The following AGPAT3 variants were observed in gnomAD, a reference collection of about 807,000 sequenced individuals.
AGPAT3 encodes 1-acylglycerol-3-phosphate O-acyltransferase 3, also known as 1-acyl-sn-glycerol-3-phosphate acyltransferase gamma.
AGPAT3 carries 5 observed loss-of-function variants against 47.3 expected under a neutral mutation model. The ratio of observed to expected loss-of-function variants is 0.11; its 90% CI spans 0.06 to 0.22. AGPAT3 has a LOEUF of 0.22. Among genes scored for constraint, AGPAT3 ranks in the 10% least tolerant of loss-of-function variants. The pLI is 1.00. For missense variants in AGPAT3, 315 were observed against 493.0 expected, an observed-to-expected ratio of 0.64 and a Z score of 3.42; for synonymous variants, 212 against 208.3, an observed-to-expected ratio of 1.02 and a Z score of -0.15.
At position 43,970,920 on chromosome 21, in the gene AGPAT3, G is replaced by A; in HGVS notation, c.664+114G>A. On this transcript the variant is annotated intron_variant, in intron 6 of 9. Transcript: ENST00000291572. The surrounding 1 kb of genome is among the most constrained non-coding windows in gnomAD (Gnocchi z 5.8). ...ATGTGAAACACAGAAGAACAGAAGTGCAAAAGGAATCAAGTGAGGGGGTCG... is the reference window on the plus strand; with the variant it reads ...ATGTGAAACACAGAAGAACAGAAGTACAAAAGGAATCAAGTGAGGGGGTCG... 1 of 1,262,896 alleles carries A rather than the reference G, an allele frequency of 7.9e-7. No homozygotes were observed. The allele number at this position is 1,262,896 out of a possible 1,614,324, so 78.2% of individuals were successfully genotyped here.
rs1474807400 is a variant in AGPAT3 at position 43,920,767 on chromosome 21, T to C, written c.-49+16748T>C. On this transcript the variant is annotated intron_variant, in intron 2 of 9. Transcript: ENST00000291572. The surrounding 1 kb of genome is among the most constrained non-coding windows in gnomAD (Gnocchi z 6.1). ...TGGGGAGGGTACAGCAGCTCCGAGC[T>C]CCCTGCCCCATACCTCACCCTGTGC... 6.6e-6 allele frequency among the ~76,000 whole-genome samples: 1 copy of C among 152,052 alleles called. No homozygotes were observed. The highest frequency in any genetic ancestry group is 1.5e-5 in the Non-Finnish European group (1 of 68,022).
rs1054076099 is a variant in AGPAT3 at position 43,932,944 on chromosome 21, T to G, written c.-48-26690T>G. Among the ~76,000 whole-genome samples the G allele has an allele frequency of 2.0e-5, 3 of 152,170 alleles. No homozygotes were observed. The highest frequency in any genetic ancestry group is 3.9e-4 in the East Asian group (2 of 5,186). ...GGATTACAGGTGTGAGCCACCGCCC[T>G]GGGCCAGTAGTTCCATTTTTGACTT... is the stretch of plus-strand genomic sequence containing the variant. On this transcript the variant is annotated intron_variant, in intron 2 of 9. Transcript: ENST00000291572. The surrounding 1 kb of genome is among the most constrained non-coding windows in gnomAD (Gnocchi z 5.2).
rs1049681335 is a variant in AGPAT3 at position 43,933,838 on chromosome 21, C to T, written c.-48-25796C>T. Among the ~76,000 whole-genome samples the T allele has an allele frequency of 4.6e-5, 7 of 152,130 alleles. No individual in the cohort carries two copies. The highest frequency in any genetic ancestry group is 2.1e-4 in the South Asian group (1 of 4,824). On this transcript the variant is annotated intron_variant, in intron 2 of 9. Transcript: ENST00000291572. The surrounding 1 kb of genome is among the most constrained non-coding windows in gnomAD (Gnocchi z 6.0). Reference sequence around the variant, plus strand: ...GAGGACGGCACTCCCGCGCCTGCCACGAGCCTCACGTGGAGAGTGGACAGT... The same window carrying T: ...GAGGACGGCACTCCCGCGCCTGCCATGAGCCTCACGTGGAGAGTGGACAGT...
At chr21:43,945,070 T>G (rs997672946) in intron 2 of AGPAT3, among the ~76,000 whole-genome samples, 2 of 152,248 alleles carry the variant, frequency 1.3e-5, no homozygotes, top group African/African-American at 4.8e-5. Context: ...TGGAGGCATC[T>G]GCTGGGCTAG....
At chr21:43,931,581 C>T (rs769925868) in intron 2 of AGPAT3, among the ~76,000 whole-genome samples, 1 of 152,114 alleles carries the variant, frequency 6.6e-6, no homozygotes, top group African/African-American at 2.4e-5. Flanking sequence ...GAGGTAAAAA[C>T]CGAAGAGCGA....
chr21:43,928,557 T>C (rs1243627615), intron 2 of AGPAT3, among the ~76,000 whole-genome samples: 2 of 152,266 alleles, frequency 1.3e-5, no homozygotes, highest in African/African-American at 4.8e-5. Flanking sequence ...TGCAGTTCAC[T>C]GCTCTGTCTG....
rs1311538128 is a variant in AGPAT3, at chr21:43,930,549, G to T, written c.-49+26530G>T. ...GGGCCTCTCTCAGACCTTGGGGACA[G>T]CAAGCTCTGCCCCGTGAACTCAGAG... is the stretch of plus-strand genomic sequence containing the variant. On this transcript the variant is annotated intron_variant, in intron 2 of 9. Coordinates refer to ENST00000291572, the MANE Select transcript of AGPAT3 (RefSeq NM_020132.5). This position sits in a 1 kb window ranked among gnomAD's most constrained non-coding sequence, Gnocchi z 5.0. Among the ~76,000 whole-genome samples, 1 of 148,080 alleles carries T rather than the reference G, an allele frequency of 6.8e-6. No homozygotes were observed. Among genetic ancestry groups the T allele is most frequent in the East Asian group, 2.1e-4 (1 of 4,766 alleles).
chr21:43,884,244 GCTTCCCCCTC>G (rs1196132988), intron 1 of AGPAT3, among the ~76,000 whole-genome samples: 54 of 98,832 alleles, frequency 5.5e-4, no homozygotes, highest in South Asian at 1.0e-3. Context: ...TTCCCCACCC[GCTTCCCCCTC>G]CTTCCCCCTC....
intron 3 of AGPAT3, among the ~76,000 whole-genome samples, chr21:43,961,619 C>T (rs1287887203): frequency 2.0e-5 from 3 of 151,194 alleles, no homozygotes; most frequent in African/African-American, 4.9e-5. Context: ...CACTTTGTCT[C>T]ATATGGGAAA....
intron 2 of AGPAT3, among the ~76,000 whole-genome samples, chr21:43,907,648 C>T (rs1326587165): frequency 6.6e-6 from 1 of 152,104 alleles, no homozygotes; most frequent in Non-Finnish European, 1.5e-5. Flanking sequence ...ACCCGGGAGG[C>T]GGAGCTTGTG....
intron 2 of AGPAT3, among the ~76,000 whole-genome samples, chr21:43,958,858 C>T (rs1359281720): frequency 5.6e-4 from 38 of 67,428 alleles, no homozygotes; most frequent in Middle Eastern, 0.015. Flanking sequence ...GTGTGGTTTG[C>T]GGTGTGTGTG....
At chr21:43,918,319 A>C (rs2086804115) in intron 2 of AGPAT3, among the ~76,000 whole-genome samples, 1 of 150,594 alleles carries the variant, frequency 6.6e-6, no homozygotes, top group African/African-American at 2.4e-5. Flanking sequence ...TGTTGTCTCT[A>C]GAGGTAGCCA....
intron 7 of AGPAT3, 100 bp downstream of exon 7, chr21:43,971,590 C>T: frequency 1.9e-6 from 2 of 1,073,884 alleles, no homozygotes; most frequent in Non-Finnish European, 2.8e-6. Context: ...CCCCACGTCC[C>T]ACAGCCCCGC....
intron 2 of AGPAT3, 139 bp downstream of exon 2, chr21:43,904,158 T>G (rs975480546): frequency 6.5e-6 from 1 of 152,868 alleles, no homozygotes; most frequent in African/African-American, 2.4e-5. Flanking sequence ...GATTAATTTT[T>G]CTTAAAGGTA....
intron 2 of AGPAT3, among the ~76,000 whole-genome samples, chr21:43,935,268 G>T (rs141964286): frequency 1.2e-4 from 18 of 152,392 alleles, no homozygotes; most frequent in Non-Finnish European, 2.5e-4. Context: ...CAGGAGGCAG[G>T]CTCAGGACAC....
intron 2 of AGPAT3, chr21:43,919,827 C>T (rs750538878): frequency 2.0e-5 from 3 of 152,244 alleles, no homozygotes; most frequent in African/African-American, 7.2e-5. Context: ...ATTTGCATGT[C>T]GTCCTTCTGC....
intron 8 of AGPAT3, 27 bp downstream of exon 8, chr21:43,978,148 G>T (rs1246591041): frequency 6.2e-7 from 1 of 1,604,762 alleles, no homozygotes; most frequent in Non-Finnish European, 8.5e-7. Context: ...CCCGCTCAGG[G>T]TCCCGGTCTC....
At chr21:43,918,717 C>T (rs1456962088) in intron 2 of AGPAT3, among the ~76,000 whole-genome samples, 1 of 151,636 alleles carries the variant, frequency 6.6e-6, no homozygotes, top group East Asian at 2.0e-4. Flanking sequence ...GCTGGAATTA[C>T]AGGCGTGCGC....
chr21:43,896,952 T>G (rs1226499802), intron 1 of AGPAT3, among the ~76,000 whole-genome samples: 3 of 144,408 alleles, frequency 2.1e-5, no homozygotes, highest in East Asian at 2.0e-4. Flanking sequence ...CGTTTTTTTT[T>G]TTTTTTTTTT....
Sources: gnomAD v4.1 joint callset for allele counts (sites outside exome capture counted in the v4.1 genomes callset) on GRCh38, gnomAD v4.1.1 for gene constraint, Gnocchi (gnomAD v3.1) non-coding constraint, MANE v1.5 for transcripts, NCBI Gene and HGNC (gene_info 2026-07-23, HGNC 2026-07-21) for gene names.